Variants in ARHGAP19 observed in about 807,000 individuals in gnomAD.
The protein encoded by ARHGAP19 is Rho GTPase activating protein 19.
Under a neutral mutation model 60.9 loss-of-function variants are expected in ARHGAP19, and 48 were observed. The ratio of observed to expected loss-of-function variants is 0.79; its 90% CI spans 0.62 to 1.00. The LOEUF (loss-of-function observed/expected upper bound fraction) is 1.00. Among genes scored for constraint, ARHGAP19 ranks in the 50% least tolerant of loss-of-function variants. The probability of loss-of-function intolerance (pLI) is 0.00; values close to 1 mark genes in which losing one functional copy is unlikely to be tolerated. For synonymous variants in ARHGAP19, 209 were observed against 215.5 expected (o/e 0.97, Z 0.27); for missense variants, 562 against 597.2 (o/e 0.94, Z 0.61).
chr10:97,281,527 C>T (rs988780975), intron 1 of ARHGAP19, among the ~76,000 whole-genome samples: 1 of 152,094 alleles, frequency 6.6e-6, no homozygotes, highest in Non-Finnish European at 1.5e-5. Context: ...ACATATGGTA[C>T]CCAAACAAGA....
At chr10:97,280,227 T>G (rs528343119) in intron 1 of ARHGAP19, among the ~76,000 whole-genome samples, 263 of 152,032 alleles carry the variant, frequency 1.7e-3, no homozygotes, top group African/African-American at 6.1e-3. Flanking sequence ...GCCAACATAG[T>G]GAAACCCCAT....
In ARHGAP19 at chr10:97,223,008, CTG is replaced by C. The variant is rs1850832656; in HGVS notation, c.*3112_*3113del. On this transcript the variant is annotated 3_prime_UTR_variant, in exon 12 of 12. Transcript: ENST00000358531. ...CTAACACAGGCTGCTGTGAGGGAAA[CTG>C]AACAGAAACGTTCCTACTCAGGAGG... is the stretch of plus-strand genomic sequence containing the variant. 6.6e-6 allele frequency: 1 copy of C among 152,188 alleles called. No homozygotes were observed. Among genetic ancestry groups the C allele is most frequent in the Admixed American group, 6.5e-5 (1 of 15,282 alleles). The allele number at this position is 152,188 out of a possible 1,614,324, so 9.4% of individuals were successfully genotyped here.
At chr10:97,261,974 A>T (rs1842835050) in intron 4 of ARHGAP19, among the ~76,000 whole-genome samples, 1 of 152,230 alleles carries the variant, frequency 6.6e-6, no homozygotes, top group Non-Finnish European at 1.5e-5. Flanking sequence ...CATGTGTGTA[A>T]CCTATTACAT....
At chr10:97,258,278 C>T (rs1229564653) in intron 5 of ARHGAP19, among the ~76,000 whole-genome samples, 1 of 152,166 alleles carries the variant, frequency 6.6e-6, no homozygotes. Context: ...GTAATCCCAG[C>T]ACTTCGAGAG....
chr10:97,253,378 T>TAAAAAA (rs1449347349), intron 6 of ARHGAP19, among the ~76,000 whole-genome samples: 1 of 111,106 alleles, frequency 9.0e-6, no homozygotes, highest in Admixed American at 9.6e-5. Context: ...AAACTCTATC[T>TAAAAAA]CAAAAAAAAA....
intron 6 of ARHGAP19, among the ~76,000 whole-genome samples, chr10:97,251,483 GAAGGGGAGGGGAAAGGAAGGGT>G (rs1328393482): frequency 2.9e-5 from 1 of 33,982 alleles, no homozygotes. Context: ...AAGAGGAGGG[GAAGGGGAGGGGAAAGGAAGGGT>G]AAGGGGAGGG....
At chr10:97,248,282 C>T (rs951858260) in intron 6 of ARHGAP19, among the ~76,000 whole-genome samples, 1 of 152,024 alleles carries the variant, frequency 6.6e-6, no homozygotes, top group Non-Finnish European at 1.5e-5. Context: ...GGTGTGGTGG[C>T]GCTCACCTGT....
intron 5 of ARHGAP19, among the ~76,000 whole-genome samples, chr10:97,257,703 T>C (rs1842774986): frequency 6.6e-6 from 1 of 152,188 alleles, no homozygotes; most frequent in Non-Finnish European, 1.5e-5. Context: ...GGACAAATGT[T>C]GATGTGTCTT....
intron 6 of ARHGAP19, among the ~76,000 whole-genome samples, chr10:97,253,248 C>T (rs1210350684): frequency 6.6e-6 from 1 of 151,738 alleles, no homozygotes; most frequent in East Asian, 1.9e-4. Context: ...TGTAGTGGTG[C>T]GTGCCTGTAA....
At chr10:97,264,235 T>G (rs1842868121) in intron 3 of ARHGAP19, among the ~76,000 whole-genome samples, 1 of 152,142 alleles carries the variant, frequency 6.6e-6, no homozygotes, top group Non-Finnish European at 1.5e-5. Context: ...ATGAATCACT[T>G]GAGCACAGTA....
intron 8 of ARHGAP19, among the ~76,000 whole-genome samples, chr10:97,238,371 T>TA (rs1401358958): frequency 3.1e-4 from 47 of 152,062 alleles, no homozygotes; most frequent in Admixed American, 3.1e-3. Context: ...AGGCACACAC[T>TA]AACGAGACCA....
intron 1 of ARHGAP19, among the ~76,000 whole-genome samples, chr10:97,281,205 A>T (rs184330398): frequency 1.4e-3 from 193 of 134,828 alleles, no homozygotes; most frequent in Non-Finnish European, 2.2e-3. Context: ...CAACCTGACA[A>T]GACTCTGTCA....
chr10:97,284,857 T>G (rs1207602702), intron 1 of ARHGAP19, among the ~76,000 whole-genome samples: 1 of 118,816 alleles, frequency 8.4e-6, no homozygotes, highest in East Asian at 2.1e-4. Context: ...AGCATATACT[T>G]TTTTTTTTTT....
intron 11 of ARHGAP19, among the ~76,000 whole-genome samples, chr10:97,226,446 T>C (rs1334616335): frequency 6.6e-6 from 1 of 152,228 alleles, no homozygotes; most frequent in Non-Finnish European, 1.5e-5. Flanking sequence ...AGAGTAAGAA[T>C]CTGCAGCCTA....
At chr10:97,265,812 C>G (rs199798335) in intron 2 of ARHGAP19, 48 bp downstream of exon 2, 1 of 1,585,762 alleles carries the variant, frequency 6.3e-7, no homozygotes, top group East Asian at 2.3e-5. Flanking sequence ...AGAGAGAAGC[C>G]CAGGGAGCAG....
chr10:97,262,500 A>C (rs1842844028), intron 4 of ARHGAP19, among the ~76,000 whole-genome samples: 1 of 152,106 alleles, frequency 6.6e-6, no homozygotes, highest in African/African-American at 2.4e-5. Flanking sequence ...TCCCGTCTCT[A>C]CTAAAAATAC....
chr10:97,279,832 GC>G (rs890544389), intron 1 of ARHGAP19, among the ~76,000 whole-genome samples: 2 of 152,040 alleles, frequency 1.3e-5, no homozygotes, highest in African/African-American at 2.4e-5. Flanking sequence ...AATTAAACTG[GC>G]AAACTATTCT....
At position 97,222,759 on chromosome 10, in the gene ARHGAP19, G is replaced by A. The variant is rs897952699; in HGVS notation, c.*3363C>T. ...TTCCGTTTGAAGCCTTCAGGGTAAAGGAGGGCAGAGATAAGGCTCTCTCCT... is the reference window on the plus strand; with the variant it reads ...TTCCGTTTGAAGCCTTCAGGGTAAAAGAGGGCAGAGATAAGGCTCTCTCCT... On this transcript the variant is annotated 3_prime_UTR_variant, in exon 12 of 12. Transcript: ENST00000358531. 4 of 152,084 alleles carry A rather than the reference G, an allele frequency of 2.6e-5. No individual in the cohort carries two copies. The highest frequency in any genetic ancestry group is 9.7e-5 in the African/African-American group (4 of 41,346). The allele number at this position is 152,084 out of a possible 1,614,324, so 9.4% of individuals were successfully genotyped here. A position where few individuals can be genotyped will look rare whatever the true frequency, so the allele number is the denominator to read the frequency against.
At chr10:97,268,146 T>A (rs1463304070) in intron 1 of ARHGAP19, among the ~76,000 whole-genome samples, 2 of 152,206 alleles carry the variant, frequency 1.3e-5, no homozygotes, top group Non-Finnish European at 2.9e-5. Context: ...AAGTTCAAAG[T>A]TCCACAGATC....
Sources: gnomAD v4.1 joint callset for allele counts (sites outside exome capture counted in the v4.1 genomes callset) on GRCh38, gnomAD v4.1.1 for gene constraint, MANE v1.5 for transcripts, NCBI Gene and HGNC (gene_info 2026-07-23, HGNC 2026-07-21) for gene names.